CUX1: variants seen among roughly 807,000 people sequenced by gnomAD.
CUX1 encodes the protein cut like homeobox 1.
Under a neutral mutation model 158.8 loss-of-function variants are expected in CUX1, and 31 were observed. The observed-to-expected ratio is 0.20, with a 90% CI of 0.15 to 0.26. CUX1 has a LOEUF of 0.26. Among genes scored for constraint, CUX1 ranks in the 10% least tolerant of loss-of-function variants. CUX1 has a pLI of 1.00. For missense variants in CUX1, 1,589 were observed against 2,014.6 expected (o/e 0.79, Z 4.04); for synonymous variants, 879 against 862.1 (o/e 1.02, Z -0.34).
Position 102,251,962 on chromosome 7 carries a change from GTGT to G in CUX1, c.*2925_*2927del, listed in dbSNP as rs1586450572. 1 of 985,374 alleles carries G rather than the reference GTGT, an allele frequency of 1.0e-6. No homozygotes were observed. The highest frequency in any genetic ancestry group is 1.2e-6 in the Non-Finnish European group (1 of 829,914). 61.0% of individuals were successfully genotyped at this position (985,374 alleles called of 1,614,324 possible). Reference sequence around the variant, plus strand: ...ACCCTCCCAAGCAATTTAGTCATATGTGTTGTTTTCTCTTTTCTGTTTTTACTT... The same window carrying G: ...ACCCTCCCAAGCAATTTAGTCATATGTGTTTTCTCTTTTCTGTTTTTACTT... On this transcript the variant is annotated 3_prime_UTR_variant, in exon 24 of 24. Coordinates refer to ENST00000292535, the MANE Select transcript of CUX1 (RefSeq NM_181552.4).
At chr7:102,280,630 C>T (rs1215472037) in intron 19 of CUX1, among the ~76,000 whole-genome samples, 2 of 152,102 alleles carry the variant, frequency 1.3e-5, no homozygotes, top group South Asian at 2.1e-4. Context: ...CAGAATGTCA[C>T]ACTGAGTAGA....
intron 1 of CUX1, among the ~76,000 whole-genome samples, chr7:101,906,522 G>A (rs1451368627): frequency 2.0e-5 from 3 of 151,986 alleles, no homozygotes; most frequent in African/African-American, 7.2e-5. Flanking sequence ...GCCCTGGGTG[G>A]TCTTATCGAT....
chr7:101,928,702 G>A (rs182858578), intron 2 of CUX1, among the ~76,000 whole-genome samples: 2,842 of 106,796 alleles, frequency 0.027, 94 homozygotes, highest in African/African-American at 0.088. Context: ...ACGGAGTCTC[G>A]CTCTGTCACC....
rs529536568 is a variant in CUX1 at position 101,886,105 on chromosome 7, C to T, written c.31-30010C>T. ...CTGGCCTCTCTGGATCTCCTGCTGG[C>T]CCTGAATGTGGGTGGTTACCCTTTT... On this transcript the variant is annotated intron_variant, in intron 1 of 23. Transcript: ENST00000292535. Among the ~76,000 whole-genome samples the T allele has an allele frequency of 2.6e-3, 381 of 146,682 alleles. 1 individual carries two copies. Among genetic ancestry groups the T allele is most frequent in the Non-Finnish European group, 4.5e-3 (294 of 65,000 alleles).
At chr7:101,905,271 T>C (rs1212751795) in intron 1 of CUX1, among the ~76,000 whole-genome samples, 1 of 152,212 alleles carries the variant, frequency 6.6e-6, no homozygotes, top group East Asian at 1.9e-4. Context: ...TTTAGGAGTT[T>C]AGGTGCACAA....
Position 102,193,873 on chromosome 7 carries a change from G to C in CUX1, c.1108G>C (p.Glu370Gln). Reference protein sequence around the residue: ...ILKSMEFAPSEGAGTQDAAKP... With the variant: ...ILKSMEFAPSQGAGTQDAAKP... ...GAAGTCCATGGAGTTTGCACCGTCC[G>C]AGGGCGCTGGGACACAGGTACGTGT... The change falls in exon 13 of 24, where the codon GAG becomes CAG. Residue 370 changes from glutamate (E) to glutamine (Q), a missense_variant. Physicochemically the swap from Glu to Gln is conservative, Grantham distance 29. Transcript: ENST00000292535. The C allele has an allele frequency of 1.2e-6, 2 of 1,614,062 alleles. No homozygotes were observed. Among genetic ancestry groups the C allele is most frequent in the South Asian group, 1.1e-5 (1 of 91,072 alleles).
chr7:102,186,782 C>T (rs1250020582), intron 11 of CUX1: 1 of 152,146 alleles, frequency 6.6e-6, no homozygotes, highest in Non-Finnish European at 1.5e-5. Flanking sequence ...GCCTATAATC[C>T]CACACTTTGG....
Position 101,859,351 on chromosome 7 carries a change from G to A in CUX1, c.30+41682G>A, listed in dbSNP as rs188942315. On this transcript the variant is annotated intron_variant, in intron 1 of 23. Transcript: ENST00000292535. ...TAAAAATTACCAATTGACCGTATCCGGGGCTGAACCTGCGTGATTCAGCTT... is the reference window on the plus strand; with the variant it reads ...TAAAAATTACCAATTGACCGTATCCAGGGCTGAACCTGCGTGATTCAGCTT... 3.0e-3 allele frequency among the ~76,000 whole-genome samples: 457 copies of A among 152,268 alleles called. 3 individuals are homozygous for A. Among genetic ancestry groups the A allele is most frequent in the Middle Eastern group, 0.01 (3 of 294 alleles).
At position 102,026,820 on chromosome 7, in the gene CUX1, A is replaced by T. The variant is rs1372050162; in HGVS notation, c.142-1278A>T. Among the ~76,000 whole-genome samples the T allele has an allele frequency of 3.8e-4, 7 of 18,550 alleles. No homozygotes were observed. In the African/African-American group the frequency reaches 4.4e-3, roughly 12 times the overall value. 12.2% of individuals were successfully genotyped at this position (18,550 alleles called of 152,430 possible). ...AGGCAACAGTGAGACTCCGTCTTTAAAAAAAAAAAAAAAAAAAAAAAAAAC... is the reference window on the plus strand; with the variant it reads ...AGGCAACAGTGAGACTCCGTCTTTATAAAAAAAAAAAAAAAAAAAAAAAAC... On this transcript the variant is annotated intron_variant, in intron 2 of 23. Transcript: ENST00000292535.
chr7:101,860,181 G>T (rs764455743), intron 1 of CUX1, among the ~76,000 whole-genome samples: 1 of 151,990 alleles, frequency 6.6e-6, no homozygotes, highest in Non-Finnish European at 1.5e-5. Context: ...TCGCTGTTTG[G>T]TATTTTGAAC....
intron 20 of CUX1, among the ~76,000 whole-genome samples, chr7:102,212,221 G>C (rs537050954): frequency 1.3e-5 from 2 of 152,298 alleles, no homozygotes; most frequent in East Asian, 1.9e-4. Context: ...TGCACACACA[G>C]ATCCTGCACA....
chr7:102,090,379 G>GT (rs1175351364), intron 4 of CUX1, among the ~76,000 whole-genome samples: 8 of 147,408 alleles, frequency 5.4e-5, no homozygotes, highest in African/African-American at 1.5e-4. Context: ...TTTTTTTTTT[G>GT]TTTTTTTGTT....
intron 14 of CUX1, among the ~76,000 whole-genome samples, chr7:102,265,282 G>C (rs183227776): frequency 2.6e-5 from 4 of 151,008 alleles, no homozygotes; most frequent in Admixed American, 2.0e-4. Context: ...CTTGAACCCC[G>C]GAGGCAGAGG....
At chr7:101,892,798 C>T (rs1285428326) in intron 1 of CUX1, among the ~76,000 whole-genome samples, 1 of 151,966 alleles carries the variant, frequency 6.6e-6, no homozygotes, top group Non-Finnish European at 1.5e-5. Context: ...ATTTTTAGAC[C>T]ATTAAAGGGC....
intron 1 of CUX1, among the ~76,000 whole-genome samples, chr7:101,842,586 A>G (rs191440439): frequency 6.6e-6 from 1 of 151,950 alleles, no homozygotes; most frequent in Admixed American, 6.6e-5. Flanking sequence ...GGGTTTCATT[A>G]TGTTGCTCAG....
intron 8 of CUX1, chr7:102,153,496 TGCTCCCGGAA>T (rs1301307233): frequency 6.6e-6 from 1 of 152,280 alleles, no homozygotes; most frequent in African/African-American, 2.4e-5. Context: ...CTGTTGCTGC[TGCTCCCGGAA>T]GAGTCAAGGC....
chr7:102,077,231 A>G (rs1554476956), intron 4 of CUX1, among the ~76,000 whole-genome samples: 1 of 151,940 alleles, frequency 6.6e-6, no homozygotes, highest in Admixed American at 6.6e-5. Flanking sequence ...TTTTCTGACC[A>G]GAGAAAGCAG....
At position 102,081,621 on chromosome 7, in the gene CUX1, G is replaced by A. The variant is rs1554478810; in HGVS notation, c.268+11204G>A. Among the ~76,000 whole-genome samples, 3 of 146,566 alleles carry A rather than the reference G, an allele frequency of 2.0e-5. 1 individual carries two copies. Among genetic ancestry groups the A allele is most frequent in the Non-Finnish European group, 4.6e-5 (3 of 64,932 alleles). On this transcript the variant is annotated intron_variant, in intron 4 of 23. Coordinates refer to ENST00000292535, the MANE Select transcript of CUX1 (RefSeq NM_181552.4). The stretch of plus-strand genomic sequence containing the variant: ...TAAACCCCTTTGCTTTATAAATTAC[G>A]CAGTCTCAGGTATTTCTTTTTTGTT...
chr7:102,258,249 T>TTTTA (rs1790111551), downstream of CUX1: 1 of 943,644 alleles, frequency 1.1e-6, no homozygotes, highest in African/African-American at 1.8e-5. Context: ...TGTGGGTTGT[T>TTTTA]TTTATTTAAA....
Sources: gnomAD v4.1 joint callset for allele counts (sites outside exome capture counted in the v4.1 genomes callset) on GRCh38, gnomAD v4.1.1 for gene constraint, MANE v1.5 for transcripts, NCBI Gene and HGNC (gene_info 2026-07-23, HGNC 2026-07-21) for gene names.